The following GPR149 variants were observed in gnomAD, a reference collection of about 807,000 sequenced individuals.
The protein encoded by GPR149 is G protein-coupled receptor 149.
Under a neutral mutation model 50.2 loss-of-function variants are expected in GPR149, and 50 were observed. That is an observed-to-expected ratio of 1.00 (90% confidence interval 0.79 to 1.26). The LOEUF is 1.26. Ranked by LOEUF, GPR149 falls within the 50% of genes most tolerant of loss-of-function variation. GPR149 has a pLI of 0.00. For synonymous variants in GPR149, 405 were observed against 358.2 expected (o/e 1.13, Z -1.48); for missense variants, 983 against 895.4 (o/e 1.10, Z -1.25).
rs576626631 is a variant in GPR149 at position 154,401,029 on chromosome 3, C to T, written c.1623+20010G>A. Among the ~76,000 whole-genome samples, 13 of 152,202 alleles carry T rather than the reference C, an allele frequency of 8.5e-5. 1 individual carries two copies. In the South Asian group the frequency reaches 2.7e-3, roughly 32 times the overall value. Reference sequence around the variant, plus strand: ...GAATGCGTTTGAGTCCTGGTTTTACCACTTAGTGTTGTATGATTCATGAGA... The same window carrying T: ...GAATGCGTTTGAGTCCTGGTTTTACTACTTAGTGTTGTATGATTCATGAGA... On this transcript the variant is annotated intron_variant, in intron 3 of 3. Coordinates refer to ENST00000389740, the MANE Select transcript of GPR149 (RefSeq NM_001038705.3).
chr3:154,427,959 A>C (rs1712354901), intron 1 of GPR149, among the ~76,000 whole-genome samples: 1 of 151,980 alleles, frequency 6.6e-6, no homozygotes, highest in Non-Finnish European at 1.5e-5. Flanking sequence ...TCAAGACTCC[A>C]CCAGAAAGGC....
chr3:154,347,026 G>C (rs1713946462), intron 3 of GPR149, among the ~76,000 whole-genome samples: 1 of 152,078 alleles, frequency 6.6e-6, no homozygotes, highest in African/African-American at 2.4e-5. Flanking sequence ...CCTAAGCACT[G>C]TCTATGCACT....
intron 3 of GPR149, among the ~76,000 whole-genome samples, chr3:154,367,630 C>T (rs1714560490): frequency 6.6e-6 from 1 of 152,216 alleles, no homozygotes. Context: ...AAATCTAACA[C>T]TGGCTACCCA....
At chr3:154,390,814 C>T (rs1715151275) in intron 3 of GPR149, among the ~76,000 whole-genome samples, 1 of 151,942 alleles carries the variant, frequency 6.6e-6, no homozygotes, top group Non-Finnish European at 1.5e-5. Flanking sequence ...TTGAAAGCAG[C>T]AAGAGAAAAG....
rs527609541 is a variant in GPR149 at position 154,428,696 on chromosome 3, G to A, written c.920C>T (p.Ala307Val). The A allele has an allele frequency of 6.2e-7, 1 of 1,614,092 alleles. No homozygotes were observed. The highest frequency in any genetic ancestry group is 2.2e-5 in the East Asian group (1 of 44,828). ...TAGGATCAAAGCGAAGCGCTTCTGCGCTACGCTCACGGTGAAGCTCCTGGT... is the reference window on the plus strand; with the variant it reads ...TAGGATCAAAGCGAAGCGCTTCTGCACTACGCTCACGGTGAAGCTCCTGGT... The part of the protein sequence containing the change: ...YGTRSFTVSV[A>V]QKRFALILAL... Residue 307 changes from alanine to valine, a missense_variant, in exon 1 of 4, where the codon GCG becomes GTG. Transcript: ENST00000389740.
chr3:154,428,716 C>T lies in GPR149; in HGVS notation c.900G>A (p.Arg300=), dbSNP rs1559993431. 1 of 1,614,150 alleles carries T rather than the reference C, an allele frequency of 6.2e-7. No homozygotes were observed. Among genetic ancestry groups the T allele is most frequent in the African/African-American group, 1.3e-5 (1 of 75,052 alleles). Reference sequence around the variant, plus strand: ...TCTGCGCTACGCTCACGGTGAAGCTCCTGGTGCCATAGAGAGTCCCCCGGT... The same window carrying T: ...TCTGCGCTACGCTCACGGTGAAGCTTCTGGTGCCATAGAGAGTCCCCCGGT... ...RENRGTLYGT[R]SFTVSVAQKR... is the part of the protein sequence containing the mutation. The change falls in exon 1 of 4, where the codon AGG becomes AGA. Residue 300 remains arginine (R), a synonymous_variant. Coordinates refer to ENST00000389740, the MANE Select transcript of GPR149 (RefSeq NM_001038705.3).
chr3:154,387,959 A>G lies in GPR149; in HGVS notation c.1623+33080T>C, dbSNP rs116825105. Among the ~76,000 whole-genome samples the G allele has an allele frequency of 2.5e-3, 383 of 152,308 alleles. 1 individual carries two copies. Among genetic ancestry groups the G allele is most frequent in the South Asian group, 7.7e-3 (37 of 4,830 alleles). ...CAGCAAGAAAAACAAGTCTAAGCAT[A>G]GCTTATTTTTTTAATGTGTGGGGAC... On this transcript the variant is annotated intron_variant, in intron 3 of 3. Coordinates refer to ENST00000389740, the MANE Select transcript of GPR149 (RefSeq NM_001038705.3).
At chr3:154,377,648 G>A (rs935443211) in intron 3 of GPR149, among the ~76,000 whole-genome samples, 12 of 152,014 alleles carry the variant, frequency 7.9e-5, no homozygotes, top group Non-Finnish European at 1.0e-4. Flanking sequence ...TTACAGGTGT[G>A]AGCCACTGTG....
intron 3 of GPR149, among the ~76,000 whole-genome samples, chr3:154,416,044 A>G (rs938048376): frequency 1.3e-5 from 2 of 151,902 alleles, no homozygotes; most frequent in Non-Finnish European, 2.9e-5. Context: ...TCTTCATTTT[A>G]AGCTAATAAT....
intron 3 of GPR149, among the ~76,000 whole-genome samples, chr3:154,368,386 G>A (rs1466417422): frequency 2.0e-5 from 3 of 152,200 alleles, no homozygotes; most frequent in Admixed American, 6.5e-5. Context: ...AGGTATCATC[G>A]TTTGATGGCT....
intron 3 of GPR149, among the ~76,000 whole-genome samples, chr3:154,351,073 CAG>C (rs977064803): frequency 6.6e-6 from 1 of 151,830 alleles, no homozygotes; most frequent in Non-Finnish European, 1.5e-5. Flanking sequence ...CCCACAGATA[CAG>C]AGAGTTGACT....
intron 3 of GPR149, among the ~76,000 whole-genome samples, chr3:154,373,768 G>C (rs1289897906): frequency 2.6e-5 from 4 of 152,038 alleles, no homozygotes; most frequent in Non-Finnish European, 5.9e-5. Context: ...CCTTTATTCA[G>C]GCATCTATAC....
In GPR149 at chr3:154,429,587, G is replaced by C; in HGVS notation, c.29C>G (p.Thr10Arg). 1.2e-6 allele frequency: 2 copies of C among 1,612,706 alleles called. No individual in the cohort carries two copies. The highest frequency in any genetic ancestry group is 2.2e-5 in the South Asian group (2 of 91,044). Residue 10 changes from threonine to arginine, a missense_variant, in exon 1 of 4, where the codon ACA (threonine) becomes AGA (arginine). Physicochemically the swap from Thr to Arg is moderately conservative, Grantham distance 71 (BLOSUM62 -1). Transcript: ENST00000389740. The stretch of plus-strand genomic sequence containing the variant: ...CTCTTTCCACAGGCTAGAGTCATTT[G>C]TTGATAAGTTACTGAGAAATAAAGA... MSLFLSNLS[T>R]NDSSLWKENH...
chr3:154,393,890 T>C (rs9880551), intron 3 of GPR149, among the ~76,000 whole-genome samples: 99,065 of 151,674 alleles, frequency 0.65, 32,670 homozygotes, highest in East Asian at 0.8. Flanking sequence ...TATACTGAAC[T>C]CTATAAACCA....
At chr3:154,367,091 T>G (rs1377501485) in intron 3 of GPR149, among the ~76,000 whole-genome samples, 1 of 152,180 alleles carries the variant, frequency 6.6e-6, no homozygotes, top group African/African-American at 2.4e-5. Context: ...TGGTGGAGAC[T>G]ACACGCTGCT....
At chr3:154,400,036 G>C (rs1011193707) in intron 3 of GPR149, among the ~76,000 whole-genome samples, 6 of 152,102 alleles carry the variant, frequency 3.9e-5, no homozygotes, top group African/African-American at 1.2e-4. Flanking sequence ...GCCCAGGCTG[G>C]AGTGCGGTGG....
At chr3:154,404,894 T>C (rs1395331428) in intron 3 of GPR149, among the ~76,000 whole-genome samples, 3 of 141,066 alleles carry the variant, frequency 2.1e-5, no homozygotes, top group Non-Finnish European at 3.1e-5. Context: ...AGCAGAAATT[T>C]AAATTATCTG....
chr3:154,394,174 G>C (rs933679757), intron 3 of GPR149, among the ~76,000 whole-genome samples: 16 of 151,978 alleles, frequency 1.1e-4, no homozygotes, highest in South Asian at 4.1e-4. Flanking sequence ...ACATTACAAG[G>C]CTATAGTAAT....
intron 3 of GPR149, among the ~76,000 whole-genome samples, chr3:154,364,795 A>T (rs779085541): frequency 4.2e-4 from 64 of 152,232 alleles, no homozygotes; most frequent in Non-Finnish European, 8.8e-4. Flanking sequence ...GATGCTGCTC[A>T]TGCAGCAGTT....
Sources: gnomAD v4.1 joint callset for allele counts (sites outside exome capture counted in the v4.1 genomes callset) on GRCh38, gnomAD v4.1.1 for gene constraint, MANE v1.5 for transcripts, NCBI Gene and HGNC (gene_info 2026-07-23, HGNC 2026-07-21) for gene names.